Variants in KCND2 observed in about 807,000 individuals in gnomAD.
The protein encoded by KCND2 is A-type voltage-gated potassium channel KCND2.
In KCND2, 16 loss-of-function variants were observed where a neutral mutation model predicts 54.4. The observed-to-expected ratio is 0.29, with a 90% CI of 0.20 to 0.45. The LOEUF (loss-of-function observed/expected upper bound fraction) is 0.45, where lower values mean the gene tolerates loss of function less well. KCND2 is among the 20% of genes least tolerant of loss of function. The pLI is 1.00. For missense variants in KCND2, 486 were observed against 824.2 expected (o/e 0.59, Z 5.02); for synonymous variants, 317 against 310.7 (o/e 1.02, Z -0.21).
At chr7:120,490,623 A>T (rs1802765905) in intron 1 of KCND2, among the ~76,000 whole-genome samples, 1 of 152,118 alleles carries the variant, frequency 6.6e-6, no homozygotes, top group Admixed American at 6.6e-5. Context: ...ACCACAAGTT[A>T]AGCAGCAGCA....
chr7:120,452,017 A>C (rs1316088835), intron 1 of KCND2, among the ~76,000 whole-genome samples: 3 of 152,256 alleles, frequency 2.0e-5, no homozygotes, highest in Non-Finnish European at 2.9e-5. Context: ...TTAATGAAAA[A>C]ATATTTTTAA....
At chr7:120,279,252 C>T (rs1799226417) in intron 1 of KCND2, among the ~76,000 whole-genome samples, 1 of 151,822 alleles carries the variant, frequency 6.6e-6, no homozygotes, top group South Asian at 2.1e-4. Flanking sequence ...GAAGTGGTAC[C>T]AGGTGGCACA....
chr7:120,399,654 C>CAT lies in KCND2; in HGVS notation c.1115+123914_1115+123915dup, dbSNP rs576953013. ...ATGTTATTCTTCACGTAATAATTTT[C>CAT]ATATATATTTATCCAATAATTTAAC... On this transcript the variant is annotated intron_variant, in intron 1 of 5. Transcript: ENST00000331113. Among the ~76,000 whole-genome samples the CAT allele has an allele frequency of 1.8e-3, 278 of 151,836 alleles. 1 individual carries two copies. Among genetic ancestry groups the CAT allele is most frequent in the Non-Finnish European group, 2.2e-3 (150 of 67,934 alleles).
chr7:120,336,118 C>T (rs1800148615), intron 1 of KCND2, among the ~76,000 whole-genome samples: 1 of 152,060 alleles, frequency 6.6e-6, no homozygotes, highest in African/African-American at 2.4e-5. Context: ...AAAAAATTTT[C>T]ATCACAGGAA....
intron 1 of KCND2, among the ~76,000 whole-genome samples, chr7:120,501,686 A>G (rs1303023642): frequency 6.6e-6 from 1 of 152,126 alleles, no homozygotes; most frequent in Non-Finnish European, 1.5e-5. Flanking sequence ...GGAACTGCAG[A>G]TATGCTTAGA....
intron 2 of KCND2, among the ~76,000 whole-genome samples, chr7:120,741,062 A>G (rs913053862): frequency 1.3e-5 from 2 of 151,354 alleles, no homozygotes; most frequent in African/African-American, 2.4e-5. Context: ...AAAAAAAAAA[A>G]GAAAGGAAGG....
chr7:120,572,529 T>C (rs1381180408), intron 1 of KCND2, among the ~76,000 whole-genome samples: 4 of 152,058 alleles, frequency 2.6e-5, no homozygotes, highest in Admixed American at 2.0e-4. Flanking sequence ...ATAATATATA[T>C]ATATATTTGA....
Position 120,704,130 on chromosome 7 carries a change from A to G in KCND2, c.1116-28773A>G, listed in dbSNP as rs1417232101. On this transcript the variant is annotated intron_variant, in intron 1 of 5. Coordinates refer to ENST00000331113, the MANE Select transcript of KCND2 (RefSeq NM_012281.3). The stretch of plus-strand genomic sequence containing the variant: ...ATCCAGTCCTGTCTACTCTCCTTCT[A>G]ATAGAATCTTGAGTGCAAAAGTCCA... Among the ~76,000 whole-genome samples, 3 of 152,174 alleles carry G rather than the reference A, an allele frequency of 2.0e-5. No homozygotes were observed. In the East Asian group the frequency reaches 5.8e-4, roughly 29 times the overall value.
intron 2 of KCND2, among the ~76,000 whole-genome samples, chr7:120,741,247 G>A (rs780717924): frequency 6.6e-6 from 1 of 151,978 alleles, no homozygotes; most frequent in African/African-American, 2.4e-5. Context: ...TATTTTGACA[G>A]AATTGAAAGA....
chr7:120,558,027 AG>A (rs1430247781), intron 1 of KCND2, among the ~76,000 whole-genome samples: 1 of 152,170 alleles, frequency 6.6e-6, no homozygotes, highest in Non-Finnish European at 1.5e-5. Context: ...TTTACAATAC[AG>A]GCCTCTTAAA....
At chr7:120,423,198 C>A (rs139061180) in intron 1 of KCND2, among the ~76,000 whole-genome samples, 187 of 152,314 alleles carry the variant, frequency 1.2e-3, no homozygotes, top group Middle Eastern at 3.4e-3. Flanking sequence ...TCTGTTCCAG[C>A]CACCTTTCCT....
intron 1 of KCND2, among the ~76,000 whole-genome samples, chr7:120,474,492 C>A (rs1442231661): frequency 6.6e-6 from 1 of 151,736 alleles, no homozygotes; most frequent in African/African-American, 2.4e-5. Flanking sequence ...CACGTGCCAC[C>A]ATGCCCAGCT....
chr7:120,344,225 A>G (rs1013271695), intron 1 of KCND2, among the ~76,000 whole-genome samples: 1 of 152,162 alleles, frequency 6.6e-6, no homozygotes, highest in Non-Finnish European at 1.5e-5. Context: ...TAATAATATG[A>G]CACACAAGTG....
At chr7:120,463,945 C>G (rs530625708) in intron 1 of KCND2, 1 of 319,818 alleles carries the variant, frequency 3.1e-6, no homozygotes, top group Non-Finnish European at 4.2e-6. Flanking sequence ...ATAGATAGAT[C>G]GACAGATGGA....
chr7:120,670,899 G>C (rs980210758), intron 1 of KCND2, among the ~76,000 whole-genome samples: 1 of 147,140 alleles, frequency 6.8e-6, no homozygotes. Context: ...CTGGGCGACA[G>C]AGCCAGGCTC....
chr7:120,324,144 T>G (rs1016423283), intron 1 of KCND2, among the ~76,000 whole-genome samples: 5 of 151,360 alleles, frequency 3.3e-5, no homozygotes, highest in South Asian at 2.1e-4. Context: ...TTTGATAGGG[T>G]TGTTTGTTTT....
chr7:120,598,548 G>A (rs1792775297), intron 1 of KCND2, among the ~76,000 whole-genome samples: 1 of 101,518 alleles, frequency 9.9e-6, no homozygotes, highest in Non-Finnish European at 1.8e-5. Context: ...TCACCACTTA[G>A]TATTATCAGG....
At chr7:120,719,065 G>A (rs112524798) in intron 1 of KCND2, among the ~76,000 whole-genome samples, 146 of 152,110 alleles carry the variant, frequency 9.6e-4, no homozygotes, top group African/African-American at 3.0e-3. Flanking sequence ...AACTAGATAC[G>A]TTTTTGAGGA....
intron 1 of KCND2, among the ~76,000 whole-genome samples, chr7:120,341,696 A>G (rs1800241425): frequency 6.6e-6 from 1 of 152,164 alleles, no homozygotes; most frequent in Non-Finnish European, 1.5e-5. Context: ...AGGAAAGAAG[A>G]TTAAGGAATT....
Sources: allele counts gnomAD v4.1 joint callset (sites outside exome capture counted in the v4.1 genomes callset), GRCh38; gene constraint gnomAD v4.1.1; transcripts MANE v1.5; gene names NCBI Gene and HGNC (gene_info 2026-07-23, HGNC 2026-07-21).